The following BICRAL variants were observed in gnomAD, a reference collection of about 807,000 sequenced individuals.
The protein encoded by BICRAL is BICRA like chromatin remodeling complex associated protein.
A neutral mutation model predicts 91.8 loss-of-function variants in BICRAL; 8 were observed. The observed-to-expected ratio is 0.09, with a 90% CI of 0.05 to 0.16. BICRAL has a LOEUF of 0.16. BICRAL is among the 10% of genes least tolerant of loss of function. The probability of loss-of-function intolerance (pLI) is 1.00; values close to 1 mark genes in which losing one functional copy is unlikely to be tolerated. For synonymous variants in BICRAL, 445 were observed against 491.1 expected (o/e 0.91, Z 1.24); for missense variants, 1,038 against 1,310.9 (o/e 0.79, Z 3.21).
At chr6:42,757,155 G>A (rs1362224523) in intron 1 of BICRAL, among the ~76,000 whole-genome samples, 3 of 151,914 alleles carry the variant, frequency 2.0e-5, no homozygotes, top group Admixed American at 1.3e-4. Flanking sequence ...TGCTTTTTTT[G>A]ATGGATGGAG....
intron 1 of BICRAL, among the ~76,000 whole-genome samples, chr6:42,804,125 C>A (rs563483296): frequency 6.6e-6 from 1 of 152,168 alleles, no homozygotes; most frequent in Non-Finnish European, 1.5e-5. Context: ...CGGGTTCAAG[C>A]GATTCTCCTG....
intron 6 of BICRAL, among the ~76,000 whole-genome samples, chr6:42,839,069 G>A (rs546446017): frequency 2.6e-5 from 4 of 152,102 alleles, no homozygotes; most frequent in African/African-American, 7.2e-5. Context: ...GTGTGGTGGC[G>A]TGTGCCTATA....
At position 42,860,285 on chromosome 6, in the gene BICRAL, G is replaced by A; in HGVS notation, c.2278G>A (p.Ala760Thr). Residue 760 changes from alanine to threonine, a missense_variant, in exon 11 of 13, where the codon GCC (alanine) becomes ACC (threonine). Ala to Thr is a moderately conservative substitution (Grantham distance 58). Around this residue, in one of 5 missense-constraint regions of BICRAL, gnomAD observed 294 missense variants for 292.6 expected, o/e 1.00. Coordinates refer to ENST00000314073, the MANE Select transcript of BICRAL (RefSeq NM_001393499.1). ...AGTGGACAATGAATTTGAGACAGTT[G>A]CCACTCAGCTCCTAAAAAGGACCCA... The part of the protein sequence containing the change: ...RKVDNEFETV[A>T]TQLLKRTQAM... 6.2e-7 allele frequency: 1 copy of A among 1,604,776 alleles called. No homozygotes were observed. Among genetic ancestry groups the A allele is most frequent in the Non-Finnish European group, 8.5e-7 (1 of 1,171,912 alleles).
intron 1 of BICRAL, among the ~76,000 whole-genome samples, chr6:42,796,256 T>A (rs1180530295): frequency 6.6e-6 from 1 of 152,152 alleles, no homozygotes; most frequent in African/African-American, 2.4e-5. Flanking sequence ...TGTGGGAAGA[T>A]TGTCTGGTAG....
Position 42,865,516 on chromosome 6 carries a change from C to T in BICRAL, c.*70C>T, listed in dbSNP as rs1581645097. The T allele has an allele frequency of 1.3e-6, 1 of 761,036 alleles. No individual in the cohort carries two copies. The allele number at this position is 761,036 out of a possible 1,614,324, so 47.1% of individuals were successfully genotyped here. On this transcript the variant is annotated 3_prime_UTR_variant, in exon 13 of 13. Transcript: ENST00000314073. ...GACCCCACCCCGGACCAGTTACATT[C>T]GTTCCTGGCAAAAGCAAATGGAAAT...
intron 10 of BICRAL, among the ~76,000 whole-genome samples, chr6:42,857,614 A>AAAATATATATAT: frequency 4.7e-4 from 45 of 96,204 alleles, no homozygotes; most frequent in African/African-American, 2.4e-3. Flanking sequence ...AAAAAAAAAA[A>AAAATATATATAT]ATATATATAT....
At position 42,857,612 on chromosome 6, in the gene BICRAL, A is replaced by ATATAT. The variant is rs1471429375; in HGVS notation, c.2254+376_2254+377insTATAT. ...AGACACTGTCTCTTAAAAAAAAAAA[A>ATATAT]AAATATATATATATATATATATATT... On this transcript the variant is annotated intron_variant, in intron 10 of 12. Transcript: ENST00000314073. 1.2e-3 allele frequency among the ~76,000 whole-genome samples: 119 copies of ATATAT among 96,970 alleles called. 1 individual carries two copies. Among genetic ancestry groups the ATATAT allele is most frequent in the African/African-American group, 7.8e-3 (111 of 14,142 alleles). 63.6% of individuals were successfully genotyped at this position (96,970 alleles called of 152,430 possible).
intron 1 of BICRAL, among the ~76,000 whole-genome samples, chr6:42,809,703 C>T (rs954642507): frequency 2.0e-5 from 3 of 151,898 alleles, no homozygotes; most frequent in Non-Finnish European, 4.4e-5. Context: ...CTCCAACTCC[C>T]GAGCTCAACC....
chr6:42,829,078 G>T lies in BICRAL; in HGVS notation c.745G>T (p.Val249Leu). Residue 249 changes from valine (V) to leucine (L), a missense_variant, in exon 6 of 13, where the codon GTG becomes TTG. Physicochemically the swap from Val to Leu is conservative, Grantham distance 32 (BLOSUM62 1). Around this residue, in one of 5 missense-constraint regions of BICRAL, gnomAD observed 532 missense variants for 724.9 expected, o/e 0.73. Coordinates refer to ENST00000314073, the MANE Select transcript of BICRAL (RefSeq NM_001393499.1). ...CAGCGGGCAGCAAGCCCCATCAAAT[G>T]TGAGTGGAGGGCTCCTGGTTCATAG... ...KGSGQQAPSN[V>L]SGGLLVHRQT... 2 of 1,614,158 alleles carry T rather than the reference G, an allele frequency of 1.2e-6. No individual in the cohort carries two copies. The highest frequency in any genetic ancestry group is 1.7e-6 in the Non-Finnish European group (2 of 1,180,018).
At chr6:42,858,833 A>T (rs1693050567) in intron 10 of BICRAL, among the ~76,000 whole-genome samples, 2 of 152,034 alleles carry the variant, frequency 1.3e-5, no homozygotes, top group South Asian at 4.2e-4. Context: ...TAAATAAATA[A>T]ATAAATAATA....
Position 42,829,311 on chromosome 6 carries a change from C to T in BICRAL, c.978C>T (p.Tyr326=), listed in dbSNP as rs1403409807. Reference sequence around the variant, plus strand: ...TCCAGATGGGTCAGCAAAATACATACAATGTGAACAATTTGGGAATTCAGC... The same window carrying T: ...TCCAGATGGGTCAGCAAAATACATATAATGTGAACAATTTGGGAATTCAGC... ...KPIQMGQQNT[Y]NVNNLGIQQH... is the part of the protein sequence containing the mutation. Residue 326 remains tyrosine (Y), a synonymous_variant, in exon 6 of 13, where the codon TAC becomes TAT. Coordinates refer to ENST00000314073, the MANE Select transcript of BICRAL (RefSeq NM_001393499.1). The T allele has an allele frequency of 1.2e-6, 2 of 1,614,182 alleles. No homozygotes were observed. Among genetic ancestry groups the T allele is most frequent in the Admixed American group, 1.7e-5 (1 of 60,022 alleles).
At chr6:42,762,441 C>A (rs1417588642) in intron 1 of BICRAL, among the ~76,000 whole-genome samples, 1 of 152,108 alleles carries the variant, frequency 6.6e-6, no homozygotes, top group Non-Finnish European at 1.5e-5. Flanking sequence ...TCTGTGAAAT[C>A]TTCACTTTTG....
At chr6:42,841,126 CTA>C (rs57076625) in intron 6 of BICRAL, among the ~76,000 whole-genome samples, 54,776 of 125,850 alleles carry the variant, frequency 0.44, 13,855 homozygotes, top group African/African-American at 0.64. Flanking sequence ...CCCATATCAC[CTA>C]TATAGTACCT....
chr6:42,838,802 A>C (rs940626386), intron 6 of BICRAL, among the ~76,000 whole-genome samples: 1 of 152,060 alleles, frequency 6.6e-6, no homozygotes, highest in African/African-American at 2.4e-5. Flanking sequence ...CTCTACTAAA[A>C]ATACAAAAAT....
At chr6:42,810,058 A>G (rs1763811897) in intron 1 of BICRAL, among the ~76,000 whole-genome samples, 2 of 152,184 alleles carry the variant, frequency 1.3e-5, no homozygotes, top group Non-Finnish European at 2.9e-5. Context: ...AAGTGGTGGG[A>G]TTACAGGCGT....
rs771084748 is a variant in BICRAL at position 42,865,471 on chromosome 6, G to GCCCCGAGACCGCA, written c.*35_*36insGCACCCCGAGACC. ...ATAGCAGCAGTCCTCCCCCTACCCC[G>GCCCCGAGACCGCA]CCCCGAGACCCCACCCCGAGACCCC... On this transcript the variant is annotated 3_prime_UTR_variant, in exon 13 of 13. Transcript: ENST00000314073. 7.9e-5 allele frequency: 92 copies of GCCCCGAGACCGCA among 1,163,216 alleles called. No individual in the cohort carries two copies. Among genetic ancestry groups the GCCCCGAGACCGCA allele is most frequent in the Non-Finnish European group, 1.0e-4 (86 of 853,614 alleles). The allele number at this position is 1,163,216 out of a possible 1,614,324, so 72.1% of individuals were successfully genotyped here.
chr6:42,856,629 C>T (rs1765366618), intron 9 of BICRAL, among the ~76,000 whole-genome samples: 1 of 152,032 alleles, frequency 6.6e-6, no homozygotes, highest in Non-Finnish European at 1.5e-5. Flanking sequence ...CCACCTCAGC[C>T]TCCCAAAGTG....
chr6:42,858,677 C>A (rs546641304), intron 10 of BICRAL, among the ~76,000 whole-genome samples: 118 of 151,752 alleles, frequency 7.8e-4, no homozygotes, highest in African/African-American at 2.6e-3. Flanking sequence ...ATTAGCCAGG[C>A]GTGGTGGCAC....
intron 1 of BICRAL, among the ~76,000 whole-genome samples, chr6:42,786,330 C>T (rs890627951): frequency 4.1e-4 from 62 of 152,188 alleles, no homozygotes; most frequent in African/African-American, 1.4e-3. Flanking sequence ...TCTGTGCAGT[C>T]TGTGTCCAGT....
Sources: gnomAD v4.1 joint callset for allele counts (sites outside exome capture counted in the v4.1 genomes callset) on GRCh38, gnomAD v4.1.1 for gene constraint, gnomAD v4.1.1 regional missense constraint, MANE v1.5 for transcripts, NCBI Gene and HGNC (gene_info 2026-07-23, HGNC 2026-07-21) for gene names.